The following ZFX variants were observed in gnomAD, a reference collection of about 807,000 sequenced individuals.
The protein encoded by ZFX is zinc finger X-chromosomal protein.
For synonymous variants in ZFX, 196 were observed against 226.8 expected, an observed-to-expected ratio of 0.86 and a Z score of 1.22; for missense variants, 362 against 628.3, an observed-to-expected ratio of 0.58 and a Z score of 4.53.
rs748964687 is a variant in ZFX, at chrX:24,180,761, CAG to C, written c.646+993_646+994del. On this transcript the variant is annotated intron_variant, in intron 5 of 9. Transcript: ENST00000304543. ...ATATAATATGTAAAACACTGCATAACAGATAACATGAAAAAGAGCTCTGGTAT... is the reference window on the plus strand; with the variant it reads ...ATATAATATGTAAAACACTGCATAACATAACATGAAAAAGAGCTCTGGTAT... 7.1e-5 allele frequency among the ~76,000 whole-genome samples: 8 copies of C among 111,959 alleles called. No individual in the cohort carries two copies. The East Asian group carries it at 2.2e-3, about 31-fold the overall frequency.
chrX:24,172,574 T>C, intron 3 of ZFX, 141 bp from the exon 4 acceptor site: 4 of 404,220 alleles, frequency 9.9e-6, no homozygotes, highest in Non-Finnish European at 1.6e-5. Flanking sequence ...TAAGTTCTAT[T>C]TTACTTTAGA....
intron 4 of ZFX, among the ~76,000 whole-genome samples, chrX:24,176,913 G>A (rs1337332925): frequency 9.0e-6 from 1 of 111,547 alleles, no homozygotes; most frequent in Non-Finnish European, 1.9e-5. Context: ...CTGTAGAACA[G>A]AAGCCAAGAT....
In ZFX at chrX:24,212,942, C is replaced by G. The variant is rs979889847; in HGVS notation, c.*1566C>G. 2 of 109,997 alleles carry G rather than the reference C, an allele frequency of 1.8e-5. No individual in the cohort carries two copies. Among genetic ancestry groups the G allele is most frequent in the Non-Finnish European group, 3.8e-5 (2 of 52,716 alleles). 9.1% of individuals were successfully genotyped at this position (109,997 alleles called of 1,213,427 possible). A position where few individuals can be genotyped will look rare whatever the true frequency, so the allele number is the denominator to read the frequency against. ...ACGGAGTCTTGCTCTGTTGCCCAGG[C>G]TGGACTGCAGTGGTGTGATCACTGC... On this transcript the variant is annotated 3_prime_UTR_variant, in exon 10 of 10. Transcript: ENST00000304543.
chrX:24,153,635 T>C (rs1345601191), intron 3 of ZFX, among the ~76,000 whole-genome samples: 2 of 111,943 alleles, frequency 1.8e-5, no homozygotes, highest in African/African-American at 6.5e-5. Context: ...ATAAAAGTGC[T>C]CTGTGTTTCA....
chrX:24,172,038 T>A (rs1182617680), intron 3 of ZFX, among the ~76,000 whole-genome samples: 1 of 111,517 alleles, frequency 9.0e-6, no homozygotes, highest in Non-Finnish European at 1.9e-5. Context: ...GCTTACTGTT[T>A]ACCGTTTTAT....
At chrX:24,151,007 T>A (rs1932048892) in intron 1 of ZFX, among the ~76,000 whole-genome samples, 1 of 112,194 alleles carries the variant, frequency 8.9e-6, no homozygotes, top group South Asian at 3.7e-4. Context: ...CAGACTTTTT[T>A]ATTTTCTTAT....
rs1224425848 is a variant in ZFX at position 24,178,389 on chromosome X, C to T, written c.59-794C>T. Among the ~76,000 whole-genome samples the T allele has an allele frequency of 2.7e-4, 28 of 104,543 alleles. No homozygotes were observed. In the Admixed American group the frequency reaches 2.9e-3, roughly 11 times the overall value. The allele number at this position is 104,543 out of a possible 115,157, so 90.8% of individuals were successfully genotyped here. A position where few individuals can be genotyped will look rare whatever the true frequency, so the allele number is the denominator to read the frequency against. On this transcript the variant is annotated intron_variant, in intron 4 of 9. Coordinates refer to ENST00000304543, the MANE Select transcript of ZFX (RefSeq NM_003410.4). Reference sequence around the variant, plus strand: ...CTGCAAGCTCTGCCTCCCGGGTTCACGCCATTCTCCTGCCTCAGCCTCCCA... The same window carrying T: ...CTGCAAGCTCTGCCTCCCGGGTTCATGCCATTCTCCTGCCTCAGCCTCCCA...
chrX:24,179,268 C>G lies in ZFX; in HGVS notation c.144C>G (p.Asp48Glu), dbSNP rs1935455617. The change falls in exon 5 of 10, where the codon GAC (aspartate) becomes GAG (glutamate). Residue 48 changes from aspartate (D) to glutamate (E), a missense_variant. Coordinates refer to ENST00000304543, the MANE Select transcript of ZFX (RefSeq NM_003410.4). Reference sequence around the variant, plus strand: ...TTGTTTCAGATGTTGTGGATTCAGACATAACTGTGCATAACTTTGTTCCTG... The same window carrying G: ...TTGTTTCAGATGTTGTGGATTCAGAGATAACTGTGCATAACTTTGTTCCTG... ...TVFVSDVVDS[D>E]ITVHNFVPDD... 8.3e-7 allele frequency: 1 copy of G among 1,209,984 alleles called. No individual in the cohort carries two copies. Among genetic ancestry groups the G allele is most frequent in the African/African-American group, 1.8e-5 (1 of 57,113 alleles).
chrX:24,153,652 C>A (rs1051297720), intron 3 of ZFX, among the ~76,000 whole-genome samples: 1 of 111,757 alleles, frequency 8.9e-6, no homozygotes, highest in Non-Finnish European at 1.9e-5. Flanking sequence ...TTCAGAAACT[C>A]TCTGTGCCTT....
At position 24,211,106 on chromosome X, in the gene ZFX, T is replaced by C. The variant is rs1482971610; in HGVS notation, c.2148T>C (p.Asp716=). ...ATATTCTCTCAGTTCACACAAAGGA[T>C]CTTCCATTTAGGTGCAAGAGATGTA... is the stretch of plus-strand genomic sequence containing the variant. ...SRHILSVHTK[D]LPFRCKRCRK... Residue 716 remains aspartate (D), a synonymous_variant, in exon 10 of 10, where the codon GAT becomes GAC. Transcript: ENST00000304543. 1 of 1,212,109 alleles carries C rather than the reference T, an allele frequency of 8.3e-7. No individual in the cohort carries two copies. Among genetic ancestry groups the C allele is most frequent in the Non-Finnish European group, 1.1e-6 (1 of 895,637 alleles).
intron 3 of ZFX, among the ~76,000 whole-genome samples, chrX:24,155,458 C>T (rs956935022): frequency 1.3e-4 from 15 of 111,606 alleles, no homozygotes; most frequent in African/African-American, 4.9e-4. Context: ...TTGGAGGGAC[C>T]GATAGAAACT....
intron 6 of ZFX, 26 bp downstream of exon 6, chrX:24,207,501 A>G (rs1937675600): frequency 8.4e-7 from 1 of 1,195,752 alleles, no homozygotes. Context: ...TAGACATTAT[A>G]CATCCTCATC....
At position 24,210,991 on chromosome X, in the gene ZFX, A is replaced by G; in HGVS notation, c.2033A>G (p.Lys678Arg). The change falls in exon 10 of 10, where the codon AAG becomes AGG. Residue 678 changes from lysine (K) to arginine (R), a missense_variant. Physicochemically the swap from Lys to Arg is conservative, Grantham distance 26. Transcript: ENST00000304543. ...DKGFHRPSEL[K>R]KHVAAHKGKK... ...GGCTTTCACAGGCCTTCAGAACTCA[A>G]GAAACACGTGGCTGCCCACAAGGGC... 8.2e-7 allele frequency: 1 copy of G among 1,212,411 alleles called. No homozygotes were observed. The highest frequency in any genetic ancestry group is 1.1e-6 in the Non-Finnish European group (1 of 895,668).
At chrX:24,153,763 C>T (rs1023511454) in intron 3 of ZFX, among the ~76,000 whole-genome samples, 11 of 111,111 alleles carry the variant, frequency 9.9e-5, no homozygotes, top group African/African-American at 3.6e-4. Context: ...AATATAGAGA[C>T]AAGTTCTGAT....
intron 5 of ZFX, among the ~76,000 whole-genome samples, chrX:24,195,580 C>A (rs1181284178): frequency 9.0e-6 from 1 of 111,287 alleles, no homozygotes; most frequent in Non-Finnish European, 1.9e-5. Context: ...GGTCTCGGAT[C>A]TCCTGACCTC....
In ZFX at chrX:24,214,463, A is replaced by G. The variant is rs1438256859; in HGVS notation, c.*3087A>G. ...AGTTAATGCTTTTTCTCAAGGAAAA[A>G]AAATGTACAGTTTTTGTAAACCTAA... On this transcript the variant is annotated 3_prime_UTR_variant, in exon 10 of 10. Coordinates refer to ENST00000304543, the MANE Select transcript of ZFX (RefSeq NM_003410.4). 1 of 112,675 alleles carries G rather than the reference A, an allele frequency of 8.9e-6. No homozygotes were observed. 9.3% of individuals were successfully genotyped at this position (112,675 alleles called of 1,213,427 possible). A position where few individuals can be genotyped will look rare whatever the true frequency, so the allele number is the denominator to read the frequency against.
chrX:24,183,908 C>T (rs1308860417), intron 5 of ZFX, among the ~76,000 whole-genome samples: 1 of 109,453 alleles, frequency 9.1e-6, no homozygotes, highest in East Asian at 2.9e-4. Flanking sequence ...GCACGTGCCA[C>T]CATGCCCAGC....
At chrX:24,163,803 T>A (rs757852463) in intron 3 of ZFX, among the ~76,000 whole-genome samples, 32 of 95,666 alleles carry the variant, frequency 3.3e-4, no homozygotes, top group African/African-American at 1.1e-3. Context: ...ATTACGGGTG[T>A]GAGCCACTGT....
chrX:24,179,837 G>A, intron 5 of ZFX, 67 bp downstream of exon 5: 1 of 1,007,371 alleles, frequency 9.9e-7, no homozygotes, highest in South Asian at 2.2e-5. Flanking sequence ...TTTACATCAG[G>A]GGTGAAATTT....
Sources: gnomAD v4.1 joint callset for allele counts (sites outside exome capture counted in the v4.1 genomes callset) on GRCh38, gnomAD v4.1.1 for gene constraint, MANE v1.5 for transcripts, NCBI Gene and HGNC (gene_info 2026-07-23, HGNC 2026-07-21) for gene names.